The following TRIM62 variants were observed in gnomAD, a reference collection of about 807,000 sequenced individuals.
TRIM62 encodes E3 ubiquitin-protein ligase TRIM62.
A neutral mutation model predicts 44.2 loss-of-function variants in TRIM62; 39 were observed. That is an observed-to-expected ratio of 0.88 (90% CI 0.68 to 1.15). TRIM62 has a LOEUF of 1.15. TRIM62 is among the 50% of genes most tolerant of loss of function. The pLI is 0.00. For missense variants in TRIM62, 544 were observed against 665.5 expected (o/e 0.82, Z 2.01); for synonymous variants, 278 against 292.3 (o/e 0.95, Z 0.50).
Position 33,147,426 on chromosome 1 carries a change from A to G in TRIM62, c.1179T>C (p.Asp393=), listed in dbSNP as rs755231138. Residue 393 remains aspartate (D), a synonymous_variant, in exon 5 of 5, where the codon GAT becomes GAC. Transcript: ENST00000291416. The surrounding 1 kb of genome is among the most constrained non-coding windows in gnomAD (Gnocchi z 8.1). The part of the protein sequence containing the change: ...SRGFYCIVMH[D]GNQYSACTEP... ...CCGTGCAGGCGCTGTACTGGTTGCC[A>G]TCGTGCATCACGATGCAGTAGAAGC... The G allele has an allele frequency of 4.3e-6, 7 of 1,614,088 alleles. No homozygotes were observed. The Admixed American group carries it at 1.2e-4, about 27-fold the overall frequency.
At position 33,146,919 on chromosome 1, in the gene TRIM62, C is replaced by T. The variant is rs1645027675; in HGVS notation, c.*258G>A. 2 of 522,356 alleles carry T rather than the reference C, an allele frequency of 3.8e-6. No homozygotes were observed. The highest frequency in any genetic ancestry group is 6.9e-6 in the Non-Finnish European group (2 of 291,268). 32.4% of individuals were successfully genotyped at this position (522,356 alleles called of 1,614,324 possible). ...GGATGAGGGTTGGGCAGGGGTTGCC[C>T]TGAGGAGAAGCCATGTCACATCCTT... is the stretch of plus-strand genomic sequence containing the variant. On this transcript the variant is annotated 3_prime_UTR_variant, in exon 5 of 5. Transcript: ENST00000291416.
rs2306257 is a variant in TRIM62, at chr1:33,165,468, C to A, written c.504+3G>T. ...CCCACCTCCGCGCCCCGGCCAGGCTCACCTTGGTCTCCGCCAGTTGTCGCT... is the reference window on the plus strand; with the variant it reads ...CCCACCTCCGCGCCCCGGCCAGGCTAACCTTGGTCTCCGCCAGTTGTCGCT... On this transcript the variant is annotated splice_donor_region_variant and intron_variant, in intron 2 of 4. Coordinates refer to ENST00000291416, the MANE Select transcript of TRIM62 (RefSeq NM_018207.3). The surrounding 1 kb of genome is among the most constrained non-coding windows in gnomAD (Gnocchi z 4.0). 369,974 of 1,593,538 alleles carry A rather than the reference C, an allele frequency of 0.23. 44,425 individuals carry two copies. Among genetic ancestry groups the A allele is most frequent in the South Asian group, 0.31 (27,332 of 88,292 alleles).
At position 33,181,786 on chromosome 1, in the gene TRIM62, C is replaced by G. The variant is rs1645466736; in HGVS notation, c.-354G>C. On this transcript the variant is annotated 5_prime_UTR_variant, in exon 1 of 5. Coordinates refer to ENST00000291416, the MANE Select transcript of TRIM62 (RefSeq NM_018207.3). The surrounding 1 kb of genome is among the most constrained non-coding windows in gnomAD (Gnocchi z 6.5). ...GGATAGGAGCTGGGAGAAGGGGATCCCGGAGCGGGGTGGAGCCCTTAAGGG... is the reference window on the plus strand; with the variant it reads ...GGATAGGAGCTGGGAGAAGGGGATCGCGGAGCGGGGTGGAGCCCTTAAGGG... The G allele has an allele frequency of 4.9e-6, 1 of 202,888 alleles. No homozygotes were observed. The highest frequency in any genetic ancestry group is 2.5e-5 in the African/African-American group (1 of 40,090). 12.6% of individuals were successfully genotyped at this position (202,888 alleles called of 1,614,324 possible). A position where few individuals can be genotyped will look rare whatever the true frequency, so the allele number is the denominator to read the frequency against.
At position 33,147,188 on chromosome 1, in the gene TRIM62, C is replaced by T. The variant is rs61737100; in HGVS notation, c.1417G>A (p.Val473Ile). The T allele has an allele frequency of 4.5e-3, 7,258 of 1,613,478 alleles. 264 individuals carry two copies. The African/African-American group carries it at 0.081, about 18-fold the overall frequency. The change falls in exon 5 of 5, where the codon GTC (valine) becomes ATC (isoleucine). Residue 473 changes from valine (V) to isoleucine (I), a missense_variant. Physicochemically the swap from Val to Ile is conservative, Grantham distance 29 (BLOSUM62 3). Transcript: ENST00000291416. This position sits in a 1 kb window ranked among gnomAD's most constrained non-coding sequence, Gnocchi z 8.1. ...TCCTTCTGCCTGGACTAGATGCGGACGGTGTTGATCCGCAGCGGCTGAACG... is the reference window on the plus strand; with the variant it reads ...TCCTTCTGCCTGGACTAGATGCGGATGGTGTTGATCCGCAGCGGCTGAACG... ...KNVQPLRINT[V>I]RI is the part of the protein sequence containing the mutation.
At position 33,165,387 on chromosome 1, in the gene TRIM62, G is replaced by A; in HGVS notation, c.504+84C>T. On this transcript the variant is annotated intron_variant, in intron 2 of 4. Transcript: ENST00000291416. This position sits in a 1 kb window ranked among gnomAD's most constrained non-coding sequence, Gnocchi z 4.0. ...GTTTCCACCGCACACCCGAGGCCCC[G>A]CCCCTCTTCCCCAGCTGGCCCCGCC... The A allele has an allele frequency of 8.9e-7, 1 of 1,117,334 alleles. No individual in the cohort carries two copies. Among genetic ancestry groups the A allele is most frequent in the South Asian group, 1.5e-5 (1 of 65,388 alleles). The allele number at this position is 1,117,334 out of a possible 1,614,324, so 69.2% of individuals were successfully genotyped here.
chr1:33,155,636 G>A (rs576002005), intron 4 of TRIM62, among the ~76,000 whole-genome samples: 22 of 152,264 alleles, frequency 1.4e-4, no homozygotes, highest in South Asian at 4.1e-4. Context: ...TCGTGACCAA[G>A]GACAAGTTCC....
chr1:33,178,929 A>G (rs558112397), intron 1 of TRIM62, among the ~76,000 whole-genome samples: 1 of 152,360 alleles, frequency 6.6e-6, no homozygotes, highest in Admixed American at 6.5e-5. Flanking sequence ...TGCAGACAGG[A>G]GAACCAAGGC....
chr1:33,165,352 T>G lies in TRIM62; in HGVS notation c.504+119A>C. 1.0e-6 allele frequency: 1 copy of G among 974,056 alleles called. No homozygotes were observed. The highest frequency in any genetic ancestry group is 3.4e-4 in the Middle Eastern group (1 of 2,984). 60.3% of individuals were successfully genotyped at this position (974,056 alleles called of 1,614,324 possible). On this transcript the variant is annotated intron_variant, in intron 2 of 4. Transcript: ENST00000291416. This position sits in a 1 kb window ranked among gnomAD's most constrained non-coding sequence, Gnocchi z 4.0. ...CCCTTCTCACTCCAGGTTTGGCTCC[T>G]TGAAGCCAGGTTTCCACCGCACACC... is the stretch of plus-strand genomic sequence containing the variant.
intron 2 of TRIM62, chr1:33,162,954 T>C (rs1335348049): frequency 6.6e-6 from 1 of 152,222 alleles, no homozygotes; most frequent in African/African-American, 2.4e-5. Context: ...TGTGCCTCAG[T>C]TGCCTCACTG....
chr1:33,152,849 C>A (rs1046617421), intron 4 of TRIM62, among the ~76,000 whole-genome samples: 15 of 151,950 alleles, frequency 9.9e-5, no homozygotes, highest in African/African-American at 3.6e-4. Context: ...TAGCAGGGGG[C>A]GGGGAGAGCA....
At chr1:33,156,266 C>G (rs1015329923) in intron 4 of TRIM62, among the ~76,000 whole-genome samples, 1 of 152,242 alleles carries the variant, frequency 6.6e-6, no homozygotes, top group African/African-American at 2.4e-5. Flanking sequence ...CACACTCTCT[C>G]TCCTTCGCTT....
Position 33,159,537 on chromosome 1 carries a change from C to G in TRIM62, c.761+151G>C. On this transcript the variant is annotated intron_variant, in intron 3 of 4. Coordinates refer to ENST00000291416, the MANE Select transcript of TRIM62 (RefSeq NM_018207.3). This position sits in a 1 kb window ranked among gnomAD's most constrained non-coding sequence, Gnocchi z 4.2. ...GGCTTCATACTCAAGGCTTCATGCT[C>G]CTACCCATAGCAGATGTCCCGTAAA... 8.4e-7 allele frequency: 1 copy of G among 1,185,300 alleles called. No individual in the cohort carries two copies. 73.4% of individuals were successfully genotyped at this position (1,185,300 alleles called of 1,614,324 possible). A position where few individuals can be genotyped will look rare whatever the true frequency, so the allele number is the denominator to read the frequency against.
chr1:33,159,562 A>G lies in TRIM62; in HGVS notation c.761+126T>C, dbSNP rs1394487681. The G allele has an allele frequency of 7.4e-7, 1 of 1,357,172 alleles. No homozygotes were observed. Among genetic ancestry groups the G allele is most frequent in the Non-Finnish European group, 9.8e-7 (1 of 1,022,858 alleles). The allele number at this position is 1,357,172 out of a possible 1,614,324, so 84.1% of individuals were successfully genotyped here. A position where few individuals can be genotyped will look rare whatever the true frequency, so the allele number is the denominator to read the frequency against. ...CCTACCCATAGCAGATGTCCCGTAA[A>G]TGTTTGATGAAGATTTGAATGAAAG... On this transcript the variant is annotated intron_variant, in intron 3 of 4. Transcript: ENST00000291416. The surrounding 1 kb of genome is among the most constrained non-coding windows in gnomAD (Gnocchi z 4.2).
chr1:33,151,381 G>A (rs1645095787), intron 4 of TRIM62, among the ~76,000 whole-genome samples: 2 of 152,096 alleles, frequency 1.3e-5, no homozygotes, highest in Non-Finnish European at 2.9e-5. Flanking sequence ...CTGGGGCAGG[G>A]TGTGGCACCC....
intron 4 of TRIM62, among the ~76,000 whole-genome samples, chr1:33,150,899 A>G (rs1004558554): frequency 6.6e-6 from 1 of 152,220 alleles, no homozygotes; most frequent in Admixed American, 6.5e-5. Flanking sequence ...GTGCCCAGGC[A>G]TGAACAGCAG....
At position 33,172,982 on chromosome 1, in the gene TRIM62, A is replaced by T. The variant is rs112504510; in HGVS notation, c.409-7416T>A. 6.4e-4 allele frequency among the ~76,000 whole-genome samples: 98 copies of T among 152,280 alleles called. 1 individual carries two copies. Among genetic ancestry groups the T allele is most frequent in the African/African-American group, 2.3e-3 (94 of 41,558 alleles). On this transcript the variant is annotated intron_variant, in intron 1 of 4. Coordinates refer to ENST00000291416, the MANE Select transcript of TRIM62 (RefSeq NM_018207.3). The stretch of plus-strand genomic sequence containing the variant: ...CACGGCCCAGCATGGCGCTGCACAC[A>T]ATAGGTGCTCAAGCCTCTCCTCTTC...
At chr1:33,175,937 C>T (rs555168504) in intron 1 of TRIM62, among the ~76,000 whole-genome samples, 1 of 152,284 alleles carries the variant, frequency 6.6e-6, no homozygotes, top group African/African-American at 2.4e-5. Flanking sequence ...CTTGGGGTCC[C>T]CAATGTTGGC....
intron 1 of TRIM62, among the ~76,000 whole-genome samples, chr1:33,169,783 A>G (rs72656240): frequency 0.23 from 35,383 of 152,212 alleles, 4,252 homozygotes; most frequent in South Asian, 0.3. Context: ...CTTGCCAGCC[A>G]CCTGGGCTGC....
chr1:33,159,710 C>T lies in TRIM62; in HGVS notation c.739G>A (p.Gly247Arg). The T allele has an allele frequency of 6.2e-7, 1 of 1,610,034 alleles. No homozygotes were observed. The highest frequency in any genetic ancestry group is 8.5e-7 in the Non-Finnish European group (1 of 1,179,068). Residue 247 changes from glycine to arginine, a missense_variant, in exon 3 of 5, where the codon GGG becomes AGG. Transcript: ENST00000291416. The surrounding 1 kb of genome is among the most constrained non-coding windows in gnomAD (Gnocchi z 4.2). ...TACCGCTCGGACAGTGAGGCCACCC[C>T]AGCCAGGAAGGTGTGCCGGTCGGTT... ...AETDRHTFLA[G>R]VASLSERLKG...
Sources: gnomAD v4.1 joint callset for allele counts (sites outside exome capture counted in the v4.1 genomes callset) on GRCh38, gnomAD v4.1.1 for gene constraint, Gnocchi (gnomAD v3.1) non-coding constraint, MANE v1.5 for transcripts, NCBI Gene and HGNC (gene_info 2026-07-23, HGNC 2026-07-21) for gene names.